The following SCG5 variants were observed in gnomAD, a reference collection of about 807,000 sequenced individuals.
SCG5 encodes the protein secretogranin V.
In SCG5, 18 loss-of-function variants were observed where a neutral mutation model predicts 25.7. The ratio of observed to expected loss-of-function variants is 0.70; its 90% CI spans 0.48 to 1.04. The LOEUF (loss-of-function observed/expected upper bound fraction) is 1.04, where lower values mean the gene tolerates loss of function less well. Among genes scored for constraint, SCG5 ranks in the 50% least tolerant of loss-of-function variants. SCG5 has a pLI of 0.00. For missense variants in SCG5, 206 were observed against 259.8 expected, an observed-to-expected ratio of 0.79 and a Z score of 1.42; for synonymous variants, 101 against 91.7, an observed-to-expected ratio of 1.10 and a Z score of -0.58.
At chr15:32,685,689 A>C (rs2140585949) in intron 4 of SCG5, among the ~76,000 whole-genome samples, 1 of 152,364 alleles carries the variant, frequency 6.6e-6, no homozygotes, top group East Asian at 1.9e-4. Flanking sequence ...AAACAAGATC[A>C]GAACTGAGTG....
intron 2 of SCG5, among the ~76,000 whole-genome samples, chr15:32,656,533 C>T (rs1303639607): frequency 1.3e-5 from 2 of 152,194 alleles, no homozygotes. Flanking sequence ...GTTAAATGTC[C>T]TGTTGGCAGG....
intron 4 of SCG5, among the ~76,000 whole-genome samples, chr15:32,687,031 A>G (rs1434265473): frequency 6.6e-6 from 1 of 152,062 alleles, no homozygotes; most frequent in Admixed American, 6.6e-5. Flanking sequence ...TTCAGGTGGG[A>G]AAGTCTTCAG....
chr15:32,668,042 A>C (rs1395344250), intron 2 of SCG5, among the ~76,000 whole-genome samples: 1 of 152,166 alleles, frequency 6.6e-6, no homozygotes, highest in Non-Finnish European at 1.5e-5. Flanking sequence ...GAATATTTGT[A>C]TGAGATGGGA....
chr15:32,695,542 T>C (rs1485455926), intron 5 of SCG5, among the ~76,000 whole-genome samples: 1 of 151,942 alleles, frequency 6.6e-6, no homozygotes, highest in East Asian at 1.9e-4. Context: ...GAGTATGGAG[T>C]CTTGAGTCAA....
At chr15:32,645,087 C>T (rs115632489) in intron 2 of SCG5, among the ~76,000 whole-genome samples, 87 of 152,288 alleles carry the variant, frequency 5.7e-4, no homozygotes, top group African/African-American at 2.0e-3. Flanking sequence ...AGAACAAATC[C>T]GACAGAGCTT....
intron 2 of SCG5, among the ~76,000 whole-genome samples, chr15:32,656,536 T>C (rs1343682546): frequency 1.3e-5 from 2 of 152,250 alleles, no homozygotes; most frequent in Non-Finnish European, 2.9e-5. Flanking sequence ...AAATGTCCTG[T>C]TGGCAGGACA....
At chr15:32,686,998 A>G (rs1413892816) in intron 4 of SCG5, among the ~76,000 whole-genome samples, 1 of 152,200 alleles carries the variant, frequency 6.6e-6, no homozygotes, top group Non-Finnish European at 1.5e-5. Context: ...AGTCAAAGGC[A>G]CTAAGGAGGG....
chr15:32,693,108 G>T (rs772916874), intron 5 of SCG5, among the ~76,000 whole-genome samples: 1 of 152,070 alleles, frequency 6.6e-6, no homozygotes, highest in African/African-American at 2.4e-5. Flanking sequence ...CCAGTAACAC[G>T]GCTTGAATAT....
intron 2 of SCG5, among the ~76,000 whole-genome samples, chr15:32,648,477 A>G (rs1284697315): frequency 6.6e-6 from 1 of 152,062 alleles, no homozygotes; most frequent in Non-Finnish European, 1.5e-5. Context: ...CGTAGTTACA[A>G]TTCCATTGGT....
At chr15:32,662,930 T>C (rs549675364) in intron 2 of SCG5, among the ~76,000 whole-genome samples, 59 of 150,980 alleles carry the variant, frequency 3.9e-4, no homozygotes, top group African/African-American at 1.3e-3. Context: ...ATGTGGGACA[T>C]TAGTTGGGCC....
chr15:32,643,737 G>A lies in SCG5; in HGVS notation c.145G>A (p.Glu49Lys), dbSNP rs1165300977. 1 of 1,613,908 alleles carries A rather than the reference G, an allele frequency of 6.2e-7. No individual in the cohort carries two copies. The highest frequency in any genetic ancestry group is 8.5e-7 in the Non-Finnish European group (1 of 1,179,866). The change falls in exon 2 of 6, where the codon GAG (glutamate) becomes AAG (lysine). Residue 49 changes from glutamate (E) to lysine (K), a missense_variant. Coordinates refer to ENST00000300175, the MANE Select transcript of SCG5 (RefSeq NM_001144757.3). ...CCAGAGGCTGCTTCATGGTGTTATG[G>A]AGCAATTGGGCATTGCCAGGCCCCG... ...DIQRLLHGVM[E>K]QLGIARPRVE... is the part of the protein sequence containing the mutation.
chr15:32,651,091 C>T (rs1360194011), intron 2 of SCG5, among the ~76,000 whole-genome samples: 2 of 152,020 alleles, frequency 1.3e-5, no homozygotes, highest in South Asian at 2.1e-4. Flanking sequence ...CCCAGCTACT[C>T]GGGAGGCTGA....
chr15:32,656,652 G>A (rs576904872), intron 2 of SCG5, among the ~76,000 whole-genome samples: 113 of 152,336 alleles, frequency 7.4e-4, no homozygotes, highest in Non-Finnish European at 1.3e-3. Flanking sequence ...GCTGGGAGTC[G>A]TGGTAAACCA....
At chr15:32,681,719 G>A (rs951018297) in intron 3 of SCG5, among the ~76,000 whole-genome samples, 1 of 151,436 alleles carries the variant, frequency 6.6e-6, no homozygotes. Context: ...CAAGGTGCTG[G>A]GATTATGGGT....
rs965535075 is a variant in SCG5 at position 32,692,194 on chromosome 15, T to A, written c.543+431T>A. ...GTGCTGAACTGCATGCTCCAGGAAA[T>A]AACTTTGAAGGAATTCGGGAGCAAA... On this transcript the variant is annotated intron_variant, in intron 5 of 5. Coordinates refer to ENST00000300175, the MANE Select transcript of SCG5 (RefSeq NM_001144757.3). 4 of 1,008,572 alleles carry A rather than the reference T, an allele frequency of 4.0e-6. No individual in the cohort carries two copies. The African/African-American group carries it at 6.9e-5, about 17-fold the overall frequency. The allele number at this position is 1,008,572 out of a possible 1,614,324, so 62.5% of individuals were successfully genotyped here.
rs75687615 is a variant in SCG5 at position 32,648,245 on chromosome 15, A to T, written c.226+4427A>T. 2.2e-3 allele frequency among the ~76,000 whole-genome samples: 337 copies of T among 152,210 alleles called. 4 individuals are homozygous for T. The highest frequency in any genetic ancestry group is 7.8e-3 in the African/African-American group (324 of 41,514). On this transcript the variant is annotated intron_variant, in intron 2 of 5. Coordinates refer to ENST00000300175, the MANE Select transcript of SCG5 (RefSeq NM_001144757.3). ...AGTAATTTATTTCATTTTTATCTCT[A>T]AAATCCATGTGCAATTTCCTGTCTG... is the stretch of plus-strand genomic sequence containing the variant.
intron 2 of SCG5, among the ~76,000 whole-genome samples, chr15:32,648,923 C>T (rs1595789186): frequency 6.6e-6 from 1 of 152,188 alleles, no homozygotes; most frequent in Non-Finnish European, 1.5e-5. Context: ...AGGCGCCCGC[C>T]ACCACGCCCG....
chr15:32,655,125 G>A lies in SCG5; in HGVS notation c.226+11307G>A, dbSNP rs184360757. On this transcript the variant is annotated intron_variant, in intron 2 of 5. Transcript: ENST00000300175. ...AGATCGAGACCATCCTGGCTAACAC[G>A]GTGAAACCCCGTCTCTACTAACAAT... is the stretch of plus-strand genomic sequence containing the variant. 6.3e-3 allele frequency among the ~76,000 whole-genome samples: 963 copies of A among 152,182 alleles called. 8 individuals carry two copies. Among genetic ancestry groups the A allele is most frequent in the African/African-American group, 0.022 (901 of 41,508 alleles).
At chr15:32,683,264 G>A (rs1384791413) in intron 3 of SCG5, among the ~76,000 whole-genome samples, 2 of 152,006 alleles carry the variant, frequency 1.3e-5, no homozygotes, top group Non-Finnish European at 2.9e-5. Context: ...CCCCCTTTCA[G>A]CATTGACTTT....
Sources: allele counts gnomAD v4.1 joint callset (sites outside exome capture counted in the v4.1 genomes callset), GRCh38; gene constraint gnomAD v4.1.1; transcripts MANE v1.5; gene names NCBI Gene and HGNC (gene_info 2026-07-23, HGNC 2026-07-21).